Variants in AFG3L2 observed in about 807,000 individuals in gnomAD.
The protein encoded by AFG3L2 is mitochondrial inner membrane m-AAA protease component AFG3L2.
AFG3L2 carries 54 observed loss-of-function variants against 94.5 expected under a neutral mutation model. That is an observed-to-expected ratio of 0.57 (90% CI 0.46 to 0.72). The LOEUF (loss-of-function observed/expected upper bound fraction) is 0.72. Ranked by LOEUF, AFG3L2 falls within the 30% of genes least tolerant of loss-of-function variation. The probability of loss-of-function intolerance (pLI) is 0.00; values close to 1 mark genes in which losing one functional copy is unlikely to be tolerated. For synonymous variants in AFG3L2, 377 were observed against 365.5 expected (o/e 1.03, Z -0.36); for missense variants, 754 against 994.9 (o/e 0.76, Z 3.26).
At chr18:12,346,455 GTC>G (rs1683725179) in intron 13 of AFG3L2, among the ~76,000 whole-genome samples, 1 of 152,132 alleles carries the variant, frequency 6.6e-6, no homozygotes, top group Non-Finnish European at 1.5e-5. Flanking sequence ...CACTCCTGCG[GTC>G]TCTCAGTCTG....
At chr18:12,352,388 C>A (rs930457539) in intron 10 of AFG3L2, among the ~76,000 whole-genome samples, 12 of 152,194 alleles carry the variant, frequency 7.9e-5, no homozygotes, top group Non-Finnish European at 1.8e-4. Context: ...GCACAAACAA[C>A]CAAGCATCCA....
chr18:12,363,931 T>C (rs1259488543), intron 5 of AFG3L2, 75 bp from the exon 6 acceptor site: 2 of 1,103,812 alleles, frequency 1.8e-6, no homozygotes, highest in Admixed American at 3.4e-5. Flanking sequence ...TCATTTAAAA[T>C]GCATATGATG....
rs189871781 is a variant in AFG3L2, at chr18:12,358,959, G to A, written c.753-16C>T. On this transcript the variant is annotated splice_polypyrimidine_tract_variant and intron_variant, in intron 7 of 16. Coordinates refer to ENST00000269143, the MANE Select transcript of AFG3L2 (RefSeq NM_006796.3). ...CAGAAAAGAGCTGGGGACACACAGC[G>A]CAACACGGGTTAGGACTGGCTGCTC... 57 of 1,603,816 alleles carry A rather than the reference G, an allele frequency of 3.6e-5. No individual in the cohort carries two copies. In the East Asian group the frequency reaches 7.0e-4, roughly 20 times the overall value.
intron 11 of AFG3L2, 35 bp downstream of exon 11, chr18:12,351,271 G>A: frequency 6.2e-7 from 1 of 1,613,200 alleles, no homozygotes; most frequent in Non-Finnish European, 8.5e-7. Flanking sequence ...CTACACTCAT[G>A]AGCACTGGAC....
intron 16 of AFG3L2, among the ~76,000 whole-genome samples, chr18:12,333,998 G>GCC (rs1907667007): frequency 6.6e-6 from 1 of 152,196 alleles, no homozygotes; most frequent in South Asian, 2.1e-4. Context: ...ACTAATGTTA[G>GCC]CCACCTCATG....
chr18:12,370,804 T>C, intron 3 of AFG3L2, 45 bp downstream of exon 3: 2 of 1,290,788 alleles, frequency 1.5e-6, no homozygotes, highest in Non-Finnish European at 2.2e-6. Flanking sequence ...CCATTATACA[T>C]GAGGGGAAAA....
chr18:12,339,482 G>C (rs1907868250), intron 15 of AFG3L2, among the ~76,000 whole-genome samples: 1 of 150,032 alleles, frequency 6.7e-6, no homozygotes, highest in Non-Finnish European at 1.5e-5. Context: ...AACCCAGGAG[G>C]CAGAGGTTGT....
chr18:12,356,846 A>G lies in AFG3L2; in HGVS notation c.1027-15T>C, dbSNP rs748606429. On this transcript the variant is annotated splice_polypyrimidine_tract_variant and intron_variant, in intron 8 of 16. Coordinates refer to ENST00000269143, the MANE Select transcript of AFG3L2 (RefSeq NM_006796.3). ...AGAATGGCACCCTTCAGATATGAAAAAAGAAATTACATTTAATGAGAATTC... is the reference window on the plus strand; with the variant it reads ...AGAATGGCACCCTTCAGATATGAAAGAAGAAATTACATTTAATGAGAATTC... 1.2e-6 allele frequency: 2 copies of G among 1,613,470 alleles called. No homozygotes were observed. Among genetic ancestry groups the G allele is most frequent in the South Asian group, 2.2e-5 (2 of 91,026 alleles).
At chr18:12,347,528 GTTATT>G (rs983912570) in intron 13 of AFG3L2, among the ~76,000 whole-genome samples, 7 of 149,792 alleles carry the variant, frequency 4.7e-5, no homozygotes, top group South Asian at 2.1e-4. Context: ...GCCTGTTACA[GTTATT>G]TTATTTTATT....
At chr18:12,343,884 T>C (rs1908035398) in intron 14 of AFG3L2, 1 of 552,486 alleles carries the variant, frequency 1.8e-6, no homozygotes, top group South Asian at 2.1e-5. Context: ...TGCTGCTTTA[T>C]AGGAGCAAAC....
chr18:12,340,884 C>T (rs148608665), intron 14 of AFG3L2: 17 of 159,060 alleles, frequency 1.1e-4, no homozygotes, highest in East Asian at 9.1e-4. Context: ...TGAGCTACCA[C>T]GTCCAGCTTC....
intron 10 of AFG3L2, among the ~76,000 whole-genome samples, chr18:12,352,763 C>CT (rs923524373): frequency 5.3e-5 from 8 of 151,786 alleles, no homozygotes; most frequent in Non-Finnish European, 8.8e-5. Context: ...TTAGGGAATG[C>CT]TTTTTTTTGT....
chr18:12,362,071 C>T (rs562323626), intron 6 of AFG3L2, among the ~76,000 whole-genome samples: 7 of 152,328 alleles, frequency 4.6e-5, no homozygotes, highest in African/African-American at 1.4e-4. Context: ...GGGATGGGGT[C>T]CCAGGACTCA....
chr18:12,346,460 TCA>T (rs970334246), intron 13 of AFG3L2, among the ~76,000 whole-genome samples: 1 of 152,150 alleles, frequency 6.6e-6, no homozygotes, highest in African/African-American at 2.4e-5. Context: ...CTGCGGTCTC[TCA>T]GTCTGTCCTC....
At chr18:12,345,633 G>C (rs1181181340) in intron 13 of AFG3L2, among the ~76,000 whole-genome samples, 2 of 152,172 alleles carry the variant, frequency 1.3e-5, no homozygotes, top group Non-Finnish European at 2.9e-5. Flanking sequence ...CATTTTCTCA[G>C]TGCCTATCTC....
chr18:12,363,885 A>G lies in AFG3L2; in HGVS notation c.553-29T>C, dbSNP rs377013877. On this transcript the variant is annotated intron_variant, in intron 5 of 16. Transcript: ENST00000269143. ...GAATTTTAAAAATAAATTCACACAT[A>G]AATTCACAGAAAATACTTGAGATAC... is the stretch of plus-strand genomic sequence containing the variant. 20 of 1,493,162 alleles carry G rather than the reference A, an allele frequency of 1.3e-5. No homozygotes were observed. The African/African-American group carries it at 1.8e-4, about 13-fold the overall frequency. The allele number at this position is 1,493,162 out of a possible 1,614,324, so 92.5% of individuals were successfully genotyped here.
At chr18:12,358,449 G>A (rs997427955) in intron 8 of AFG3L2, among the ~76,000 whole-genome samples, 1 of 152,170 alleles carries the variant, frequency 6.6e-6, no homozygotes, top group African/African-American at 2.4e-5. Context: ...CTTCCAAGAG[G>A]AGGTGACACA....
chr18:12,352,963 A>C (rs1908366250), intron 10 of AFG3L2, 42 bp downstream of exon 10: 3 of 1,610,622 alleles, frequency 1.9e-6, no homozygotes, highest in Admixed American at 1.7e-5. Flanking sequence ...CAAAAAAAAA[A>C]ACAAAAGTGC....
chr18:12,369,900 CA>C (rs200737390), intron 3 of AFG3L2, among the ~76,000 whole-genome samples: 41,413 of 141,242 alleles, frequency 0.29, 6,629 homozygotes, highest in African/African-American at 0.44. Flanking sequence ...ACTAAAAATA[CA>C]AAAAAAAAAA....
Sources: gnomAD v4.1 joint callset for allele counts (sites outside exome capture counted in the v4.1 genomes callset) on GRCh38, gnomAD v4.1.1 for gene constraint, MANE v1.5 for transcripts, NCBI Gene and HGNC (gene_info 2026-07-23, HGNC 2026-07-21) for gene names.